Variants in EIF3CL observed in about 807,000 individuals in gnomAD.
EIF3CL encodes the protein eukaryotic translation initiation factor 3 subunit C-like protein.
For synonymous variants in EIF3CL, 2 were observed against 19.6 expected (o/e 0.10, Z 2.37); for missense variants, 5 against 56.1 (o/e 0.09, Z 2.91).
chr16:28,422,767 G>T, the EIF3CL span, among the ~76,000 whole-genome samples: 1 of 135,368 alleles, frequency 7.4e-6, no homozygotes, highest in Non-Finnish European at 1.6e-5. Flanking sequence ...AACTCGGGAG[G>T]CAGAGATTGC....
chr16:28,424,048 T>C, the EIF3CL span, among the ~76,000 whole-genome samples: 1 of 140,318 alleles, frequency 7.1e-6, no homozygotes, highest in Admixed American at 7.2e-5. Flanking sequence ...AGTGCAGTGG[T>C]GTGATCTCGG....
intron 2 of EIF3CL, among the ~76,000 whole-genome samples, chr16:28,402,421 C>T (rs1350172719): frequency 1.5e-5 from 2 of 135,560 alleles, no homozygotes; most frequent in Non-Finnish European, 3.2e-5. Context: ...TCCTAAGTTG[C>T]TGGGGTTACA....
the EIF3CL span, among the ~76,000 whole-genome samples, chr16:28,416,045 G>A: frequency 7.2e-5 from 2 of 27,618 alleles, no homozygotes; most frequent in African/African-American, 3.7e-4. Context: ...ACGGGGTTTC[G>A]CTGTGTTGGC....
chr16:28,417,191 G>T, the EIF3CL span, among the ~76,000 whole-genome samples: 3 of 140,858 alleles, frequency 2.1e-5, no homozygotes, highest in Non-Finnish European at 4.7e-5. Context: ...GGAGGGAGGT[G>T]GGGGGGGTCA....
chr16:28,421,680 G>A, the EIF3CL span, among the ~76,000 whole-genome samples: 1 of 22,316 alleles, frequency 4.5e-5, no homozygotes, highest in Non-Finnish European at 8.1e-5. Context: ...AATCAGCCAG[G>A]CCTGGTGGCG....
the EIF3CL span, among the ~76,000 whole-genome samples, chr16:28,421,838 G>A: frequency 7.1e-6 from 1 of 140,574 alleles, no homozygotes; most frequent in Admixed American, 7.2e-5. Flanking sequence ...AATCTATTTG[G>A]ATTGGATTTT....
the EIF3CL span, among the ~76,000 whole-genome samples, chr16:28,415,704 A>G: frequency 2.2e-5 from 3 of 134,416 alleles, no homozygotes; most frequent in African/African-American, 8.6e-5. Context: ...GAGCTGAGAT[A>G]GTGCCACTGC....
At chr16:28,402,346 A>G (rs2141660062) in intron 2 of EIF3CL, among the ~76,000 whole-genome samples, 1 of 143,252 alleles carries the variant, frequency 7.0e-6, no homozygotes, top group East Asian at 2.2e-4. Flanking sequence ...CTGCAGTGCA[A>G]TGGCGCAATC....
chr16:28,414,177 AC>A, the EIF3CL span: 1 of 498,522 alleles, frequency 2.0e-6, no homozygotes, highest in East Asian at 5.8e-5. Context: ...CGGGGCGATC[AC>A]TTGAGGTCAG....
the EIF3CL span, among the ~76,000 whole-genome samples, chr16:28,423,924 C>G: frequency 8.8e-6 from 1 of 113,462 alleles, no homozygotes; most frequent in African/African-American, 2.9e-5. Flanking sequence ...TGGGTTCACG[C>G]CATTCTCCTG....
the EIF3CL span, among the ~76,000 whole-genome samples, chr16:28,418,726 T>A: frequency 2.6e-5 from 4 of 151,634 alleles, no homozygotes; most frequent in Non-Finnish European, 4.4e-5. Flanking sequence ...GCCTCCCAGG[T>A]TCAAGGGATT....
the EIF3CL span, among the ~76,000 whole-genome samples, chr16:28,425,044 T>A: frequency 4.5e-4 from 2 of 4,492 alleles, no homozygotes; most frequent in East Asian, 5.1e-3. Context: ...TTGGAACTTT[T>A]TTTTTTTTTT....
At chr16:28,419,318 G>C in the EIF3CL span, among the ~76,000 whole-genome samples, 1 of 150,642 alleles carries the variant, frequency 6.6e-6, no homozygotes, top group Non-Finnish European at 1.5e-5. Context: ...CTGGTTAACT[G>C]TCTTGACAGG....
At chr16:28,418,783 C>T in the EIF3CL span, among the ~76,000 whole-genome samples, 2 of 148,424 alleles carry the variant, frequency 1.3e-5, no homozygotes, top group Admixed American at 6.8e-5. Flanking sequence ...GCACCTGCCA[C>T]CACACTCGGC....
chr16:28,421,583 C>T, the EIF3CL span, among the ~76,000 whole-genome samples: 32 of 23,196 alleles, frequency 1.4e-3, no homozygotes, highest in African/African-American at 4.1e-3. Context: ...TTTGGGAGGC[C>T]GAGGTAGGTG....
At chr16:28,418,525 ATG>A in the EIF3CL span, among the ~76,000 whole-genome samples, 1 of 133,796 alleles carries the variant, frequency 7.5e-6, no homozygotes, top group Non-Finnish European at 1.6e-5. Context: ...AAGATACCAC[ATG>A]TGAGGCAGCA....
At chr16:28,416,774 A>C in the EIF3CL span, among the ~76,000 whole-genome samples, 46 of 54,806 alleles carry the variant, frequency 8.4e-4, no homozygotes, top group Admixed American at 2.1e-3. Context: ...CAGCCCCCCC[A>C]CCCGGCCAGC....
chr16:28,416,966 G>A, the EIF3CL span, among the ~76,000 whole-genome samples: 1 of 94,278 alleles, frequency 1.1e-5, no homozygotes, highest in Non-Finnish European at 2.3e-5. Flanking sequence ...CTACTGGGAA[G>A]TGAGGAGCCG....
chr16:28,382,219 A>G (rs537917456), intron 16 of EIF3CL, among the ~76,000 whole-genome samples: 1,505 of 85,808 alleles, frequency 0.018, 297 homozygotes, highest in Non-Finnish European at 0.031. Context: ...AAAAAAAAAA[A>G]AAAGAAAGAA....
Sources: allele counts gnomAD v4.1 joint callset (sites outside exome capture counted in the v4.1 genomes callset), GRCh38; gene constraint gnomAD v4.1.1; transcripts MANE v1.5; gene names NCBI Gene and HGNC (gene_info 2026-07-23, HGNC 2026-07-21).